The following DLC1 variants were observed in gnomAD, a reference collection of about 807,000 sequenced individuals.
The protein encoded by DLC1 is DLC1 Rho GTPase activating protein, also known as rho GTPase-activating protein 7.
Under a neutral mutation model 140.3 loss-of-function variants are expected in DLC1, and 54 were observed. The observed-to-expected ratio is 0.38, with a 90% CI of 0.31 to 0.48. The LOEUF is 0.48. Among genes scored for constraint, DLC1 ranks in the 20% least tolerant of loss-of-function variants. The pLI is 0.96. For missense variants in DLC1, 2,536 were observed against 1,907.0 expected (o/e 1.33, Z -6.14); for synonymous variants, 986 against 728.1 (o/e 1.35, Z -5.70).
In DLC1 at chr8:13,536,665, G is replaced by T. The variant is rs139782266; in HGVS notation, c.-125-36469C>A. Among the ~76,000 whole-genome samples the T allele has an allele frequency of 3.2e-3, 494 of 152,306 alleles. 3 individuals are homozygous for T. The highest frequency in any genetic ancestry group is 0.02 in the East Asian group (101 of 5,170). On this transcript the variant is annotated intron_variant, in intron 1 of 1. Coordinates refer to the DLC1 transcript ENST00000631382. ...GTTACTTTCCCCCTGGTCAAAGGCT[G>T]CTTCCTGCCCCAAGCAGTCTCCTGA...
intron 5 of DLC1, among the ~76,000 whole-genome samples, chr8:13,167,697 C>T (rs536018212): frequency 6.6e-6 from 1 of 152,306 alleles, no homozygotes; most frequent in East Asian, 1.9e-4. Context: ...AATAACAATT[C>T]TCATTGGATC....
At chr8:13,373,852 A>T (rs537271658) in intron 4 of DLC1, among the ~76,000 whole-genome samples, 45 of 152,190 alleles carry the variant, frequency 3.0e-4, no homozygotes, top group Non-Finnish European at 5.4e-4. Context: ...AAAAAAGAGA[A>T]AAACTTATAA....
chr8:13,402,529 T>C (rs167044), intron 2 of DLC1, among the ~76,000 whole-genome samples: 130,828 of 152,132 alleles, frequency 0.86, 56,341 homozygotes, highest in East Asian at 0.98. Context: ...GCACATGCAG[T>C]GTTGGCTCTT....
chr8:13,131,598 A>G (rs1585722459), intron 5 of DLC1, among the ~76,000 whole-genome samples: 1 of 134,338 alleles, frequency 7.4e-6, no homozygotes, highest in South Asian at 2.4e-4. Context: ...AGTGCAGATT[A>G]ATGACTGCAA....
At position 13,565,031 on chromosome 8, in the gene DLC1, A is replaced by T. The variant is rs147813395; in HGVS notation, c.-126+39506T>A. ...AAACTATTACTCTTCATATTTGTTT[A>T]AAATCAAACTTTGACCTGTGTTTTC... On this transcript the variant is annotated intron_variant, in intron 1 of 1. Transcript: ENST00000631382. Among the ~76,000 whole-genome samples the T allele has an allele frequency of 3.3e-5, 5 of 152,336 alleles. No individual in the cohort carries two copies. In the East Asian group the frequency reaches 9.6e-4, roughly 29 times the overall value.
At chr8:13,109,225 T>C (rs1041493758) in intron 7 of DLC1, among the ~76,000 whole-genome samples, 1 of 152,018 alleles carries the variant, frequency 6.6e-6, no homozygotes, top group Non-Finnish European at 1.5e-5. Flanking sequence ...AAAGAAATAC[T>C]GGGTGTCATT....
intron 4 of DLC1, among the ~76,000 whole-genome samples, chr8:13,307,691 T>A (rs1012788779): frequency 6.6e-6 from 1 of 152,208 alleles, no homozygotes; most frequent in Non-Finnish European, 1.5e-5. Context: ...TTCCTCAGGA[T>A]AAAAATAGCT....
At chr8:13,186,847 C>G (rs1484054996) in intron 5 of DLC1, among the ~76,000 whole-genome samples, 1 of 152,162 alleles carries the variant, frequency 6.6e-6, no homozygotes, top group Non-Finnish European at 1.5e-5. Flanking sequence ...TGTAGATGAA[C>G]TTTTTGTTGA....
intron 2 of DLC1, among the ~76,000 whole-genome samples, chr8:13,467,186 T>C (rs1040637171): frequency 6.6e-6 from 1 of 152,210 alleles, no homozygotes; most frequent in African/African-American, 2.4e-5. Context: ...GTTTGCTAAA[T>C]CCTTTTCTTA....
chr8:13,434,108 C>T (rs186115835), intron 2 of DLC1, among the ~76,000 whole-genome samples: 76 of 152,302 alleles, frequency 5.0e-4, no homozygotes, highest in African/African-American at 1.8e-3. Flanking sequence ...AACTTCTGAC[C>T]TCAGGTGATC....
At chr8:13,222,342 T>C (rs1828598692) in intron 5 of DLC1, among the ~76,000 whole-genome samples, 1 of 152,186 alleles carries the variant, frequency 6.6e-6, no homozygotes, top group Non-Finnish European at 1.5e-5. Context: ...TATTCTGTAT[T>C]GGATTTTGAG....
chr8:13,499,441 C>T lies in DLC1; in HGVS notation c.631G>A (p.Val211Met), dbSNP rs767098752. ...ATATCTTTCACGTTCAAAGTATCCACTGCATTTACTTTGGGTGCATCTTTT... is the reference window on the plus strand; with the variant it reads ...ATATCTTTCACGTTCAAAGTATCCATTGCATTTACTTTGGGTGCATCTTTT... ...EIKDAPKVNA[V>M]DTLNVKDIAP... is the part of the protein sequence containing the mutation. Residue 211 changes from valine to methionine, a missense_variant, in exon 2 of 18, where the codon GTG becomes ATG. Physicochemically the swap from Val to Met is conservative, Grantham distance 21. Transcript: ENST00000276297. The T allele has an allele frequency of 2.5e-6, 4 of 1,613,920 alleles. No homozygotes were observed. Among genetic ancestry groups the T allele is most frequent in the Non-Finnish European group, 3.4e-6 (4 of 1,180,010 alleles).
intron 2 of DLC1, among the ~76,000 whole-genome samples, chr8:13,462,878 C>T (rs1799737897): frequency 6.6e-6 from 1 of 152,142 alleles, no homozygotes; most frequent in South Asian, 2.1e-4. Flanking sequence ...ACGTTGAACG[C>T]ATAGTGTATC....
intron 1 of DLC1, among the ~76,000 whole-genome samples, chr8:13,510,294 C>G (rs1454028447): frequency 6.6e-6 from 1 of 151,752 alleles, no homozygotes; most frequent in Non-Finnish European, 1.5e-5. Context: ...CTGCCTCAGC[C>G]TCCTGAGCAG....
At chr8:13,098,997 T>G (rs1818745178) in intron 9 of DLC1, among the ~76,000 whole-genome samples, 1 of 148,000 alleles carries the variant, frequency 6.8e-6, no homozygotes. Flanking sequence ...AGGACTTGAT[T>G]TCTATCCCAT....
intron 2 of DLC1, among the ~76,000 whole-genome samples, chr8:13,409,443 G>C (rs58191747): frequency 6.6e-6 from 1 of 152,036 alleles, no homozygotes; most frequent in African/African-American, 2.4e-5. Context: ...TAAAACGATA[G>C]GATGTCTAGT....
At chr8:13,466,559 T>C (rs1211027261) in intron 2 of DLC1, among the ~76,000 whole-genome samples, 1 of 152,158 alleles carries the variant, frequency 6.6e-6, no homozygotes, top group African/African-American at 2.4e-5. Flanking sequence ...GTCAGATACT[T>C]AGATACTAGG....
intron 5 of DLC1, among the ~76,000 whole-genome samples, chr8:13,131,390 G>T (rs1430873719): frequency 6.6e-6 from 1 of 152,078 alleles, no homozygotes; most frequent in Non-Finnish European, 1.5e-5. Flanking sequence ...GCCTTCTCCC[G>T]AGCTGCAATG....
chr8:13,136,920 T>C (rs1469546512), intron 5 of DLC1, among the ~76,000 whole-genome samples: 1 of 152,204 alleles, frequency 6.6e-6, no homozygotes, highest in African/African-American at 2.4e-5. Context: ...AAAAAGAAGG[T>C]TGTTATAGTG....
Sources: allele counts gnomAD v4.1 joint callset (sites outside exome capture counted in the v4.1 genomes callset), GRCh38; gene constraint gnomAD v4.1.1; transcripts MANE v1.5; gene names NCBI Gene and HGNC (gene_info 2026-07-23, HGNC 2026-07-21).